GATD1: variants seen among roughly 807,000 people sequenced by gnomAD.
GATD1 encodes glutamine amidotransferase-like class 1 domain-containing protein 1.
A neutral mutation model predicts 25.9 loss-of-function variants in GATD1; 23 were observed. That is an observed-to-expected ratio of 0.89 (90% CI 0.64 to 1.26). GATD1 has a LOEUF of 1.26. GATD1 is among the 50% of genes most tolerant of loss of function. The probability of loss-of-function intolerance (pLI) is 0.00; values close to 1 mark genes in which losing one functional copy is unlikely to be tolerated. For missense variants in GATD1, 347 were observed against 312.5 expected, an observed-to-expected ratio of 1.11 and a Z score of -0.83; for synonymous variants, 177 against 134.6, an observed-to-expected ratio of 1.31 and a Z score of -2.18.
In GATD1 at chr11:773,559, G is replaced by A. The variant is rs1371833374; in HGVS notation, c.318C>T (p.Ser106=). 1.2e-6 allele frequency: 2 copies of A among 1,610,748 alleles called. No individual in the cohort carries two copies. The highest frequency in any genetic ancestry group is 1.7e-6 in the Non-Finnish European group (2 of 1,179,180). ...GGAAGTGCTGCAGGATACGGGCCAG[G>A]GAGCCACTGCTGGCCAGGTCGGTCA... The part of the protein sequence containing the change: ...GALTDLASSG[S]LARILQHFHS... The change falls in exon 4 of 8, where the codon TCC becomes TCT. Residue 106 remains serine, a synonymous_variant. Transcript: ENST00000319863.
intron 1 of GATD1, among the ~76,000 whole-genome samples, chr11:775,976 C>T (rs28638016): frequency 5.0e-4 from 36 of 72,270 alleles, no homozygotes; most frequent in East Asian, 2.2e-3. Context: ...TATCTTCATT[C>T]TTTTTTTTTT....
intron 2 of GATD1, 146 bp from the exon 3 acceptor site, chr11:774,259 C>T (rs1297818816): frequency 1.7e-5 from 11 of 657,634 alleles, no homozygotes; most frequent in Non-Finnish European, 2.6e-5. Flanking sequence ...TTCACGGGAT[C>T]TCCCAGGGTC....
intron 1 of GATD1, among the ~76,000 whole-genome samples, chr11:775,560 A>G (rs1863872963): frequency 6.6e-6 from 1 of 152,188 alleles, no homozygotes; most frequent in Non-Finnish European, 1.5e-5. Flanking sequence ...TCTGAAAGGC[A>G]AACCCGGGTG....
At position 773,542 on chromosome 11, in the gene GATD1, T is replaced by C. The variant is rs1459825908; in HGVS notation, c.335A>G (p.Gln112Arg). Residue 112 changes from glutamine to arginine, a missense_variant, in exon 4 of 8, where the codon CAG becomes CGG. Transcript: ENST00000319863. Reference sequence around the variant, plus strand: ...CCTACTGCTCTCAGAGTGGAAGTGCTGCAGGATACGGGCCAGGGAGCCACT... The same window carrying C: ...CCTACTGCTCTCAGAGTGGAAGTGCCGCAGGATACGGGCCAGGGAGCCACT... ...ASSGSLARIL[Q>R]HFHSESKPIC... The C allele has an allele frequency of 4.3e-6, 7 of 1,610,434 alleles. No individual in the cohort carries two copies. The highest frequency in any genetic ancestry group is 5.9e-6 in the Non-Finnish European group (7 of 1,179,028).
chr11:774,432 C>T (rs1336190888), intron 2 of GATD1, among the ~76,000 whole-genome samples: 1 of 152,264 alleles, frequency 6.6e-6, no homozygotes, highest in Non-Finnish European at 1.5e-5. Flanking sequence ...CCCCCACGAT[C>T]AGAGGGTGGA....
At chr11:772,546 G>A (rs1280327463) in intron 4 of GATD1, 25 bp from the exon 5 acceptor site, 1 of 1,599,732 alleles carries the variant, frequency 6.3e-7, no homozygotes. Context: ...TGGCGTTGAG[G>A]CCCTGGACCC....
In GATD1 at chr11:767,798, T is replaced by C; in HGVS notation, c.*3099A>G. The C allele has an allele frequency of 5.1e-6, 1 of 196,668 alleles. No homozygotes were observed. Among genetic ancestry groups the C allele is most frequent in the Non-Finnish European group, 9.6e-6 (1 of 103,910 alleles). The allele number at this position is 196,668 out of a possible 1,614,324, so 12.2% of individuals were successfully genotyped here. Reference sequence around the variant, plus strand: ...GTGCTTTCATCTTGGGCTTCCAGCCTCCAAAACTGAAACTGATTTCTGTTG... The same window carrying C: ...GTGCTTTCATCTTGGGCTTCCAGCCCCCAAAACTGAAACTGATTTCTGTTG... On this transcript the variant is annotated 3_prime_UTR_variant, in exon 8 of 8. Coordinates refer to ENST00000319863, the MANE Select transcript of GATD1 (RefSeq NM_182612.4).
chr11:774,361 C>T (rs1247350382), intron 2 of GATD1, among the ~76,000 whole-genome samples: 3 of 152,358 alleles, frequency 2.0e-5, no homozygotes, highest in African/African-American at 7.2e-5. Context: ...AACAAAAACC[C>T]GCAGTGACAA....
chr11:776,812 G>T (rs1394336179), intron 1 of GATD1: 2 of 152,404 alleles, frequency 1.3e-5, no homozygotes, highest in African/African-American at 4.8e-5. Flanking sequence ...AGCGCCAGGG[G>T]ACGCACCCCG....
rs540592199 is a variant in GATD1, at chr11:770,292, G to A, written c.*605C>T. The A allele has an allele frequency of 2.0e-6, 3 of 1,514,932 alleles. No homozygotes were observed. Among genetic ancestry groups the A allele is most frequent in the Admixed American group, 2.2e-5 (1 of 46,144 alleles). The allele number at this position is 1,514,932 out of a possible 1,614,324, so 93.8% of individuals were successfully genotyped here. ...ACGTGCCTCTCAATGCTTAGGACAGGGTGCATCACTGAGGTGCTTACACTT... is the reference window on the plus strand; with the variant it reads ...ACGTGCCTCTCAATGCTTAGGACAGAGTGCATCACTGAGGTGCTTACACTT... On this transcript the variant is annotated 3_prime_UTR_variant, in exon 8 of 8. Coordinates refer to ENST00000319863, the MANE Select transcript of GATD1 (RefSeq NM_182612.4).
At position 767,526 on chromosome 11, in the gene GATD1, A is replaced by C; in HGVS notation, c.*3371T>G. The stretch of plus-strand genomic sequence containing the variant: ...AACCCACTTCACATCCCAAAGCCCC[A>C]CCTGCTTTGATCTTCAATGCTGGGC... On this transcript the variant is annotated 3_prime_UTR_variant, in exon 8 of 8. Transcript: ENST00000319863. 1.4e-6 allele frequency: 2 copies of C among 1,425,354 alleles called. No individual in the cohort carries two copies. Among genetic ancestry groups the C allele is most frequent in the Non-Finnish European group, 1.8e-6 (2 of 1,095,756 alleles). 88.3% of individuals were successfully genotyped at this position (1,425,354 alleles called of 1,614,324 possible).
In GATD1 at chr11:769,752, C is replaced by G. The variant is rs1444762080; in HGVS notation, c.*1145G>C. 8.9e-6 allele frequency: 2 copies of G among 225,018 alleles called. No homozygotes were observed. Among genetic ancestry groups the G allele is most frequent in the South Asian group, 3.2e-4 (2 of 6,250 alleles). 13.9% of individuals were successfully genotyped at this position (225,018 alleles called of 1,614,324 possible). The stretch of plus-strand genomic sequence containing the variant: ...AGCCTCCCAAGTAGCTGGGACTACA[C>G]ACACCCACCACCATGCCAGGCTAAC... On this transcript the variant is annotated 3_prime_UTR_variant, in exon 8 of 8. Coordinates refer to ENST00000319863, the MANE Select transcript of GATD1 (RefSeq NM_182612.4).
At position 777,391 on chromosome 11, in the gene GATD1, G is replaced by A. The variant is rs964119614; in HGVS notation, c.64+8C>T. On this transcript the variant is annotated splice_region_variant and intron_variant, in intron 1 of 7. Transcript: ENST00000319863. ...CTTCGGACACTGGCCCCGGCCGCCG[G>A]GCCTCACCTTCGGCGGCGCCGCTGG... 9 of 1,297,490 alleles carry A rather than the reference G, an allele frequency of 6.9e-6. No individual in the cohort carries two copies. Among genetic ancestry groups the A allele is most frequent in the Non-Finnish European group, 8.8e-6 (9 of 1,021,180 alleles). 80.4% of individuals were successfully genotyped at this position (1,297,490 alleles called of 1,614,324 possible).
Position 767,367 on chromosome 11 carries a change from C to A in GATD1, c.*3530G>T, listed in dbSNP as rs563189110. On this transcript the variant is annotated 3_prime_UTR_variant, in exon 8 of 8. Transcript: ENST00000319863. Reference sequence around the variant, plus strand: ...TGCCCCAGCCTGGTGCTGCCCCAAGCCCTGCCCTGGCAAAGAGAGAACTGT... The same window carrying A: ...TGCCCCAGCCTGGTGCTGCCCCAAGACCTGCCCTGGCAAAGAGAGAACTGT... The A allele has an allele frequency of 6.5e-6, 10 of 1,535,892 alleles. No individual in the cohort carries two copies. The highest frequency in any genetic ancestry group is 8.7e-6 in the Non-Finnish European group (10 of 1,146,792).
intron 7 of GATD1, 36 bp downstream of exon 7, chr11:770,957 G>C: frequency 1.2e-6 from 2 of 1,613,618 alleles, no homozygotes; most frequent in Non-Finnish European, 1.7e-6. Context: ...GTGCAGCTCT[G>C]ATGTGGCAGG....
rs1294943442 is a variant in GATD1 at position 770,352 on chromosome 11, A to G, written c.*545T>C. Reference sequence around the variant, plus strand: ...ACGCCAGGAAGATTTCTTCAACAGGAAAGTGCTGCCAGTGCCGGTCGGCCT... The same window carrying G: ...ACGCCAGGAAGATTTCTTCAACAGGGAAGTGCTGCCAGTGCCGGTCGGCCT... On this transcript the variant is annotated 3_prime_UTR_variant, in exon 8 of 8. Transcript: ENST00000319863. The G allele has an allele frequency of 1.3e-6, 2 of 1,534,150 alleles. No homozygotes were observed. Among genetic ancestry groups the G allele is most frequent in the East Asian group, 2.4e-5 (1 of 40,916 alleles).
rs1179266657 is a variant in GATD1 at position 770,729 on chromosome 11, C to T, written c.*168G>A. 2.7e-6 allele frequency: 4 copies of T among 1,477,436 alleles called. No individual in the cohort carries two copies. The African/African-American group carries it at 5.6e-5, about 21-fold the overall frequency. 91.5% of individuals were successfully genotyped at this position (1,477,436 alleles called of 1,614,324 possible). Reference sequence around the variant, plus strand: ...TTTGGACCCTCCAGGAGAGCCGACACCCCCTCAGAGCTGATTCCAGGAGGC... The same window carrying T: ...TTTGGACCCTCCAGGAGAGCCGACATCCCCTCAGAGCTGATTCCAGGAGGC... On this transcript the variant is annotated 3_prime_UTR_variant, in exon 8 of 8. Transcript: ENST00000319863.
In GATD1 at chr11:769,653, A is replaced by G. The variant is rs1863261102; in HGVS notation, c.*1244T>C. ...GAGATGGAGTCTCACTCTATTGCCC[A>G]GGCTGGAGTGCAGTGGCACGATCTC... On this transcript the variant is annotated 3_prime_UTR_variant, in exon 8 of 8. Coordinates refer to ENST00000319863, the MANE Select transcript of GATD1 (RefSeq NM_182612.4). 6.7e-6 allele frequency: 1 copy of G among 149,986 alleles called. No homozygotes were observed. Among genetic ancestry groups the G allele is most frequent in the Non-Finnish European group, 1.4e-5 (1 of 69,096 alleles). 9.3% of individuals were successfully genotyped at this position (149,986 alleles called of 1,614,324 possible). A position where few individuals can be genotyped will look rare whatever the true frequency, so the allele number is the denominator to read the frequency against.
In GATD1 at chr11:775,610, C is replaced by A. The variant is rs78667340; in HGVS notation, c.65-468G>T. 8.7e-4 allele frequency among the ~76,000 whole-genome samples: 132 copies of A among 152,326 alleles called. No homozygotes were observed. The East Asian group carries it at 0.02, about 23-fold the overall frequency. ...TTCAGCTCATCCTCTCACTGAACCACCAGGGACTCAGGCCCTCAGGCACCA... is the reference window on the plus strand; with the variant it reads ...TTCAGCTCATCCTCTCACTGAACCAACAGGGACTCAGGCCCTCAGGCACCA... On this transcript the variant is annotated intron_variant, in intron 1 of 7. Coordinates refer to ENST00000319863, the MANE Select transcript of GATD1 (RefSeq NM_182612.4).
Sources: gnomAD v4.1 joint callset for allele counts (sites outside exome capture counted in the v4.1 genomes callset) on GRCh38, gnomAD v4.1.1 for gene constraint, MANE v1.5 for transcripts, NCBI Gene and HGNC (gene_info 2026-07-23, HGNC 2026-07-21) for gene names.